FAT1: variants seen among roughly 807,000 people sequenced by gnomAD.
The protein encoded by FAT1 is FAT atypical cadherin 1, also known as protocadherin Fat 1.
In FAT1, 171 loss-of-function variants were observed where a neutral mutation model predicts 329.8. The ratio of observed to expected loss-of-function variants is 0.52; its 90% CI spans 0.46 to 0.59. FAT1 has a LOEUF of 0.59. Among genes scored for constraint, FAT1 ranks in the 20% least tolerant of loss-of-function variants. FAT1 has a pLI of 0.00. For synonymous variants in FAT1, 2,233 were observed against 2,228.6 expected (o/e 1.00, Z -0.06); for missense variants, 5,672 against 5,774.4 (o/e 0.98, Z 0.57).
chr4:186,610,328 C>T (rs1020949373), intron 14 of FAT1, among the ~76,000 whole-genome samples: 1 of 151,916 alleles, frequency 6.6e-6, no homozygotes. Context: ...ATAGCTCACT[C>T]GACTTCACTC....
intron 26 of FAT1, chr4:186,590,665 C>A (rs773287465): frequency 2.2e-6 from 1 of 456,240 alleles, no homozygotes; most frequent in Non-Finnish European, 4.4e-6. Context: ...TCAAATATTA[C>A]TTTCTTTTCC....
In FAT1 at chr4:186,633,718, T is replaced by C; in HGVS notation, c.4289A>G (p.Glu1430Gly). Residue 1430 changes from glutamate (E) to glycine (G), a missense_variant, in exon 7 of 27, where the codon GAG becomes GGG. Glu to Gly is a moderately conservative substitution (Grantham distance 98). Coordinates refer to ENST00000441802, the MANE Select transcript of FAT1 (RefSeq NM_005245.4). ...GATAGTGGTGGTTCCATCTGTAGCC[T>C]CGACTGTGAGGTTGTAGTTTGACTT... ...EQKSNYNLTV[E>G]ATDGTTTILT... 6.2e-7 allele frequency: 1 copy of C among 1,613,962 alleles called. No individual in the cohort carries two copies. The highest frequency in any genetic ancestry group is 8.5e-7 in the Non-Finnish European group (1 of 1,179,874).
Position 186,598,058 on chromosome 4 carries a change from G to C in FAT1, c.12171C>G (p.Ser4057=). 1 of 1,613,922 alleles carries C rather than the reference G, an allele frequency of 6.2e-7. No individual in the cohort carries two copies. ...TGCCCCCATAGAGGCATGGCTTGGA[G>C]GAACACGGATTGACGCTTATCTCAC... is the stretch of plus-strand genomic sequence containing the variant. ...THCEISVNPC[S]SKPCLYGGTC... Residue 4057 remains serine, a synonymous_variant, in exon 23 of 27, where the codon TCC becomes TCG. Transcript: ENST00000441802.
At chr4:186,607,706 G>A (rs1369829773) in intron 16 of FAT1, among the ~76,000 whole-genome samples, 1 of 151,658 alleles carries the variant, frequency 6.6e-6, no homozygotes, top group Non-Finnish European at 1.5e-5. Context: ...TGGATGGGTA[G>A]GTGAATGGGT....
At chr4:186,683,895 AT>A (rs145807982) in intron 2 of FAT1, among the ~76,000 whole-genome samples, 4 of 151,738 alleles carry the variant, frequency 2.6e-5, no homozygotes, top group South Asian at 2.1e-4. Context: ...TTCAGAGGGA[AT>A]TTTTTTTTAA....
rs148130979 is a variant in FAT1, at chr4:186,658,324, A to C, written c.3580+4975T>G. Among the ~76,000 whole-genome samples the C allele has an allele frequency of 7.7e-3, 1,172 of 152,318 alleles. 7 individuals are homozygous for C. Among genetic ancestry groups the C allele is most frequent in the Middle Eastern group, 0.014 (4 of 294 alleles). ...AATTAAGCACAAAAACCTTGAAGAG[A>C]AAAAACATTCAAAAAAGTTCACTCA... is the stretch of plus-strand genomic sequence containing the variant. On this transcript the variant is annotated intron_variant, in intron 3 of 26. Transcript: ENST00000441802.
Position 186,628,783 on chromosome 4 carries a change from G to T in FAT1, c.4324-20C>A. On this transcript the variant is annotated intron_variant, in intron 7 of 26. Transcript: ENST00000441802. ...GAATACCTGTAATGGATGACAAAAT[G>T]ACTCATACAATATTTCCAATTATGA... The T allele has an allele frequency of 1.9e-6, 3 of 1,602,660 alleles. No homozygotes were observed. Among genetic ancestry groups the T allele is most frequent in the South Asian group, 1.1e-5 (1 of 89,878 alleles).
rs772213535 is a variant in FAT1 at position 186,636,614 on chromosome 4, A to T, written c.3943T>A (p.Ser1315Thr). Reference protein sequence around the residue: ...KTGVVSSKRFSAAGEYDILSI... With the variant: ...KTGVVSSKRFTAAGEYDILSI... ...AGAATATCATATTCTCCAGCTGCTG[A>T]AAACCTCTTGGACGAAACCACTCCA... Residue 1315 changes from serine (S) to threonine (T), a missense_variant, in exon 5 of 27, where the codon TCA becomes ACA. Physicochemically the swap from Ser to Thr is moderately conservative, Grantham distance 58 (BLOSUM62 1). Coordinates refer to ENST00000441802, the MANE Select transcript of FAT1 (RefSeq NM_005245.4). 1 of 1,612,680 alleles carries T rather than the reference A, an allele frequency of 6.2e-7. No individual in the cohort carries two copies. Among genetic ancestry groups the T allele is most frequent in the Non-Finnish European group, 8.5e-7 (1 of 1,179,310 alleles).
chr4:186,703,211 C>T (rs765149354), intron 2 of FAT1, among the ~76,000 whole-genome samples: 1 of 152,152 alleles, frequency 6.6e-6, no homozygotes, highest in Admixed American at 6.5e-5. Flanking sequence ...CGCTTTCTCT[C>T]GCTGCAAAGC....
chr4:186,588,405 A>C lies in FAT1; in HGVS notation c.*187T>G. 1.6e-6 allele frequency: 1 copy of C among 639,236 alleles called. No homozygotes were observed. The highest frequency in any genetic ancestry group is 2.6e-6 in the Non-Finnish European group (1 of 390,448). The allele number at this position is 639,236 out of a possible 1,614,324, so 39.6% of individuals were successfully genotyped here. ...CGTTGGGAAATGGCACAGCCGATGAAAACCTCACGATGACAGTAGTTGGGA... is the reference window on the plus strand; with the variant it reads ...CGTTGGGAAATGGCACAGCCGATGACAACCTCACGATGACAGTAGTTGGGA... On this transcript the variant is annotated 3_prime_UTR_variant, in exon 27 of 27. Transcript: ENST00000441802.
Position 186,621,000 on chromosome 4 carries a change from T to C in FAT1, c.5586A>G (p.Ala1862=), listed in dbSNP as rs1424522161. The part of the protein sequence containing the change: ...MGTPRLFAEY[A]ANVTVHVIDI... Reference sequence around the variant, plus strand: ...CAATTACATGTACTGTTACATTCGCTGCATACTCAGCAAATAAACGTGGGG... The same window carrying C: ...CAATTACATGTACTGTTACATTCGCCGCATACTCAGCAAATAAACGTGGGG... The change falls in exon 10 of 27, where the codon GCA becomes GCG. Residue 1862 remains alanine (A), a synonymous_variant. Transcript: ENST00000441802. 6.2e-7 allele frequency: 1 copy of C among 1,612,962 alleles called. No individual in the cohort carries two copies. The highest frequency in any genetic ancestry group is 8.5e-7 in the Non-Finnish European group (1 of 1,179,884).
intron 2 of FAT1, among the ~76,000 whole-genome samples, chr4:186,701,466 G>A (rs1744307099): frequency 6.6e-6 from 1 of 152,190 alleles, no homozygotes; most frequent in Non-Finnish European, 1.5e-5. Flanking sequence ...ACTTCAGGGA[G>A]GAGCCAGCAA....
chr4:186,718,792 C>G (rs1032203956), intron 1 of FAT1, among the ~76,000 whole-genome samples: 3 of 152,140 alleles, frequency 2.0e-5, no homozygotes, highest in Non-Finnish European at 4.4e-5. Flanking sequence ...TTCACAGCAC[C>G]GCCCTGGCTT....
chr4:186,716,066 G>A (rs545875851), intron 1 of FAT1, among the ~76,000 whole-genome samples: 6 of 152,016 alleles, frequency 3.9e-5, no homozygotes, highest in East Asian at 1.9e-4. Context: ...TCAAGTCTTC[G>A]AAGGGTTTCA....
chr4:186,636,341 C>T (rs1740815335), intron 5 of FAT1, 106 bp from the exon 6 acceptor site: 1 of 1,041,840 alleles, frequency 9.6e-7, no homozygotes, highest in Non-Finnish European at 1.4e-6. Context: ...CAATTTCAAA[C>T]ATTTCACATT....
At chr4:186,645,989 A>ACC in intron 3 of FAT1, among the ~76,000 whole-genome samples, 2 of 149,714 alleles carry the variant, frequency 1.3e-5, no homozygotes, top group Admixed American at 6.7e-5. Flanking sequence ...ACACACACAC[A>ACC]CACACACACA....
intron 6 of FAT1, 126 bp from the exon 7 acceptor site, chr4:186,633,949 G>C: frequency 1.0e-6 from 1 of 982,882 alleles, no homozygotes. Flanking sequence ...TTCCAAGGAG[G>C]AGCATTTTGA....
chr4:186,647,192 G>A (rs1427356956), intron 3 of FAT1, among the ~76,000 whole-genome samples: 1 of 152,118 alleles, frequency 6.6e-6, no homozygotes, highest in Non-Finnish European at 1.5e-5. Context: ...CATGTAAAAG[G>A]CAGAGGTGAA....
intron 2 of FAT1, among the ~76,000 whole-genome samples, chr4:186,684,509 C>T (rs759124231): frequency 6.6e-6 from 1 of 152,176 alleles, no homozygotes; most frequent in Non-Finnish European, 1.5e-5. Flanking sequence ...CTGCCATGCA[C>T]AGAAAATGGA....
Sources: gnomAD v4.1 joint callset for allele counts (sites outside exome capture counted in the v4.1 genomes callset) on GRCh38, gnomAD v4.1.1 for gene constraint, MANE v1.5 for transcripts, NCBI Gene and HGNC (gene_info 2026-07-23, HGNC 2026-07-21) for gene names.